The following ARL15 variants were observed in gnomAD, a reference collection of about 807,000 sequenced individuals.
The protein encoded by ARL15 is ARF like GTPase 15.
In ARL15, 19 loss-of-function variants were observed where a neutral mutation model predicts 25.2. That is an observed-to-expected ratio of 0.75 (90% CI 0.53 to 1.10). The LOEUF (loss-of-function observed/expected upper bound fraction) is 1.10. ARL15 is among the 50% of genes least tolerant of loss of function. ARL15 has a pLI of 0.00. For missense variants in ARL15, 220 were observed against 246.0 expected (o/e 0.89, Z 0.71); for synonymous variants, 94 against 86.8 (o/e 1.08, Z -0.46).
At chr5:54,223,313 T>C (rs7736020) in intron 1 of ARL15, among the ~76,000 whole-genome samples, 2,306 of 152,268 alleles carry the variant, frequency 0.015, 66 homozygotes, top group African/African-American at 0.053. Flanking sequence ...GATATGTTTG[T>C]GTTCAGATTT....
intron 1 of ARL15, among the ~76,000 whole-genome samples, chr5:54,197,622 A>G (rs1755588392): frequency 6.6e-6 from 1 of 152,184 alleles, no homozygotes; most frequent in South Asian, 2.1e-4. Context: ...TAGAAAACAG[A>G]GCATAAGGAG....
intron 4 of ARL15, among the ~76,000 whole-genome samples, chr5:53,963,027 T>G (rs1747423388): frequency 6.6e-6 from 1 of 152,174 alleles, no homozygotes; most frequent in South Asian, 2.1e-4. Context: ...GAATGTGAAC[T>G]GCTATTAATC....
intron 1 of ARL15, among the ~76,000 whole-genome samples, chr5:54,182,459 A>G (rs967788666): frequency 2.1e-4 from 32 of 151,348 alleles, no homozygotes; most frequent in African/African-American, 5.8e-4. Flanking sequence ...AGATAGTTGT[A>G]GGTATGCGGC....
chr5:54,072,268 C>A (rs546858167), intron 4 of ARL15, among the ~76,000 whole-genome samples: 1 of 152,306 alleles, frequency 6.6e-6, no homozygotes, highest in Non-Finnish European at 1.5e-5. Context: ...GTTCTCTCCA[C>A]ACACGGGCTT....
intron 4 of ARL15, among the ~76,000 whole-genome samples, chr5:53,894,374 T>C (rs1744807332): frequency 6.6e-6 from 1 of 152,174 alleles, no homozygotes; most frequent in Admixed American, 6.5e-5. Flanking sequence ...CGGGAGAAGT[T>C]AGTATGTCCC....
At chr5:54,006,049 T>G (rs1173551757) in intron 4 of ARL15, among the ~76,000 whole-genome samples, 2 of 63,458 alleles carry the variant, frequency 3.2e-5, no homozygotes, top group Non-Finnish European at 5.4e-5. Flanking sequence ...AAATTACATC[T>G]CCAAAAAAAA....
chr5:54,127,217 C>T (rs1157677491), intron 3 of ARL15, among the ~76,000 whole-genome samples: 1 of 152,114 alleles, frequency 6.6e-6, no homozygotes, highest in Non-Finnish European at 1.5e-5. Flanking sequence ...TGTATATGTG[C>T]CACATTTTCT....
intron 3 of ARL15, among the ~76,000 whole-genome samples, chr5:54,128,297 A>G (rs1053252776): frequency 6.6e-6 from 1 of 152,214 alleles, no homozygotes; most frequent in Non-Finnish European, 1.5e-5. Context: ...TAGACACACA[A>G]CAAAGCATCA....
intron 3 of ARL15, among the ~76,000 whole-genome samples, chr5:54,147,100 C>T (rs1374414598): frequency 1.3e-5 from 2 of 152,134 alleles, no homozygotes; most frequent in Non-Finnish European, 2.9e-5. Flanking sequence ...AGTGACTTGG[C>T]TTTATACCAA....
chr5:54,191,815 C>T (rs1357854822), intron 1 of ARL15, among the ~76,000 whole-genome samples: 1 of 152,150 alleles, frequency 6.6e-6, no homozygotes, highest in East Asian at 1.9e-4. Flanking sequence ...AGTCTATTTA[C>T]AGCACAGTAG....
chr5:54,302,683 ATTTTTTT>A (rs372704359), intron 1 of ARL15, among the ~76,000 whole-genome samples: 112 of 77,864 alleles, frequency 1.4e-3, no homozygotes, highest in Admixed American at 2.1e-3. Context: ...TAAAATTAAG[ATTTTTTT>A]TTTTTTTTTT....
intron 4 of ARL15, among the ~76,000 whole-genome samples, chr5:53,909,939 A>C (rs1745399351): frequency 6.6e-6 from 1 of 152,160 alleles, no homozygotes; most frequent in African/African-American, 2.4e-5. Flanking sequence ...GCCGCAGATA[A>C]ATATAGTTGC....
intron 4 of ARL15, among the ~76,000 whole-genome samples, chr5:54,071,508 TTTC>T (rs1474568345): frequency 2.9e-5 from 1 of 34,612 alleles, no homozygotes; most frequent in Non-Finnish European, 4.4e-5. Flanking sequence ...TTCCACCGCC[TTTC>T]CCCCCCCCCC....
intron 1 of ARL15, among the ~76,000 whole-genome samples, chr5:54,211,182 TA>T (rs1756032161): frequency 6.6e-6 from 1 of 152,172 alleles, no homozygotes; most frequent in Non-Finnish European, 1.5e-5. Context: ...ATGCACAAAG[TA>T]TTCCAAAATG....
chr5:53,899,347 C>CAAAAAAAAAAA (rs59145507), intron 4 of ARL15, among the ~76,000 whole-genome samples: 6 of 89,378 alleles, frequency 6.7e-5, no homozygotes, highest in African/African-American at 3.3e-4. Flanking sequence ...GACTCTATCC[C>CAAAAAAAAAAA]AAAAAAAAAA....
intron 4 of ARL15, among the ~76,000 whole-genome samples, chr5:53,954,251 CCCAGCTACTTCAGTAAGGTTGCTGT>C (rs1747070913): frequency 6.6e-6 from 1 of 152,124 alleles, no homozygotes; most frequent in South Asian, 2.1e-4. Context: ...GCAAGGAAGA[CCCAGCTACTTCAGTAAGGTTGCTGT>C]ATATATCCTC....
chr5:54,172,007 G>A (rs957574188), intron 1 of ARL15, 79 bp from the exon 2 acceptor site: 8 of 1,518,554 alleles, frequency 5.3e-6, no homozygotes, highest in African/African-American at 1.4e-5. Context: ...AAATGACTGA[G>A]TAAGTATTAA....
At position 54,142,347 on chromosome 5, in the gene ARL15, G is replaced by A. The variant is rs181851590; in HGVS notation, c.253+12233C>T. 5.3e-5 allele frequency among the ~76,000 whole-genome samples: 8 copies of A among 152,262 alleles called. No individual in the cohort carries two copies. The East Asian group carries it at 1.5e-3, about 29-fold the overall frequency. On this transcript the variant is annotated intron_variant, in intron 3 of 4. Coordinates refer to ENST00000504924, the MANE Select transcript of ARL15 (RefSeq NM_019087.3). ...GGATTATAGGAGATAGGAATTTAGG[G>A]AGCAACATGGGGGAGTTTGTCTAAT...
chr5:54,193,277 C>T (rs1216550996), intron 1 of ARL15, among the ~76,000 whole-genome samples: 1 of 152,174 alleles, frequency 6.6e-6, no homozygotes, highest in Non-Finnish European at 1.5e-5. Context: ...CTGTGTCTCT[C>T]ACAATGTCCA....
Sources: gnomAD v4.1 joint callset for allele counts (sites outside exome capture counted in the v4.1 genomes callset) on GRCh38, gnomAD v4.1.1 for gene constraint, MANE v1.5 for transcripts, NCBI Gene and HGNC (gene_info 2026-07-23, HGNC 2026-07-21) for gene names.